The following CLYBL variants were observed in gnomAD, a reference collection of about 807,000 sequenced individuals.
CLYBL encodes citramalyl-CoA lyase, mitochondrial.
In CLYBL, 31 loss-of-function variants were observed where a neutral mutation model predicts 38.9. That is an observed-to-expected ratio of 0.80 (90% CI 0.60 to 1.08). CLYBL has a LOEUF of 1.08. Ranked by LOEUF, CLYBL falls within the 50% of genes least tolerant of loss-of-function variation. CLYBL has a pLI of 0.00. For synonymous variants in CLYBL, 171 were observed against 158.6 expected, an observed-to-expected ratio of 1.08 and a Z score of -0.59; for missense variants, 434 against 411.6, an observed-to-expected ratio of 1.05 and a Z score of -0.47.
chr13:99,804,262 C>A (rs918458757), intron 2 of CLYBL, among the ~76,000 whole-genome samples: 11 of 152,242 alleles, frequency 7.2e-5, no homozygotes, highest in Non-Finnish European at 1.6e-4. Context: ...GGCCACATGG[C>A]CCCCAAGGGC....
At chr13:99,620,035 T>A (rs576689384) in intron 1 of CLYBL, among the ~76,000 whole-genome samples, 2 of 152,304 alleles carry the variant, frequency 1.3e-5, no homozygotes, top group South Asian at 4.1e-4. Context: ...CTTTAGGTCC[T>A]CAGAAGGGGC....
chr13:99,868,358 G>C (rs551530989), intron 6 of CLYBL, among the ~76,000 whole-genome samples: 1 of 152,130 alleles, frequency 6.6e-6, no homozygotes, highest in Non-Finnish European at 1.5e-5. Context: ...TAGTTGTTTG[G>C]CATTTGATTG....
At chr13:99,621,018 A>G (rs1318356497) in intron 1 of CLYBL, among the ~76,000 whole-genome samples, 1 of 152,144 alleles carries the variant, frequency 6.6e-6, no homozygotes, top group Non-Finnish European at 1.5e-5. Context: ...CGTTTGAATC[A>G]TCAGTGTCTA....
chr13:99,709,870 C>G (rs528570453), intron 1 of CLYBL, among the ~76,000 whole-genome samples: 12 of 150,822 alleles, frequency 8.0e-5, no homozygotes, highest in African/African-American at 2.9e-4. Flanking sequence ...AGAGCTTCGC[C>G]ACTGCATTTC....
At chr13:99,908,514 A>C (rs1468742537) in exon 10 of CLYBL, among the ~76,000 whole-genome samples, 1 of 152,218 alleles carries the variant, frequency 6.6e-6, no homozygotes, top group Non-Finnish European at 1.5e-5. Flanking sequence ...CTCTGCACCA[A>C]AAAGCTTTTC....
At chr13:99,829,965 G>A (rs931670543) in intron 2 of CLYBL, among the ~76,000 whole-genome samples, 2 of 152,172 alleles carry the variant, frequency 1.3e-5, no homozygotes, top group African/African-American at 2.4e-5. Context: ...CATGTCAAGC[G>A]TAATTCACAC....
chr13:99,642,747 T>G (rs1314199622), intron 1 of CLYBL, among the ~76,000 whole-genome samples: 1 of 141,842 alleles, frequency 7.1e-6, no homozygotes, highest in Non-Finnish European at 1.5e-5. Context: ...CTTCCCTCCC[T>G]CCCTCCCTTC....
At chr13:99,701,209 A>G (rs2048059810) in intron 1 of CLYBL, among the ~76,000 whole-genome samples, 3 of 152,230 alleles carry the variant, frequency 2.0e-5, no homozygotes, top group Admixed American at 6.5e-5. Flanking sequence ...GATAGCTGCC[A>G]TTTCCCAGAA....
chr13:99,732,399 G>A (rs1421621511), intron 1 of CLYBL, among the ~76,000 whole-genome samples: 1 of 152,018 alleles, frequency 6.6e-6, no homozygotes, highest in Non-Finnish European at 1.5e-5. Context: ...TCAGCATGAT[G>A]CCCAGGCTGG....
At chr13:99,854,932 C>T (rs2051422500) in intron 2 of CLYBL, among the ~76,000 whole-genome samples, 1 of 152,160 alleles carries the variant, frequency 6.6e-6, no homozygotes, top group Non-Finnish European at 1.5e-5. Flanking sequence ...CACTGAGCAG[C>T]ATGGCACGAA....
At chr13:99,772,035 T>C (rs867944828) in intron 1 of CLYBL, among the ~76,000 whole-genome samples, 1 of 152,208 alleles carries the variant, frequency 6.6e-6, no homozygotes, top group Non-Finnish European at 1.5e-5. Context: ...CTTGTTAAAA[T>C]TGGATGTGAA....
chr13:99,731,884 C>CTT (rs145256810), intron 1 of CLYBL, among the ~76,000 whole-genome samples: 2,290 of 152,308 alleles, frequency 0.015, 25 homozygotes, highest in South Asian at 0.029. Flanking sequence ...AGGAACTGGG[C>CTT]TTCAGTTCTG....
chr13:99,688,321 G>A (rs923969517), intron 1 of CLYBL, among the ~76,000 whole-genome samples: 17 of 151,886 alleles, frequency 1.1e-4, no homozygotes, highest in African/African-American at 4.1e-4. Flanking sequence ...AAACAGTGGG[G>A]GAGCGATTAA....
At position 99,865,476 on chromosome 13, in the gene CLYBL, G is replaced by A. The variant is rs2051718356; in HGVS notation, c.634+565G>A. Among the ~76,000 whole-genome samples, 1 of 152,186 alleles carries A rather than the reference G, an allele frequency of 6.6e-6. No individual in the cohort carries two copies. The highest frequency in any genetic ancestry group is 6.5e-5 in the Admixed American group (1 of 15,282). ...CTTGTGAGCTGCACTTGAGGGGTCTGCATGTTTGACTGGAGACCGTGAAGC... is the reference window on the plus strand; with the variant it reads ...CTTGTGAGCTGCACTTGAGGGGTCTACATGTTTGACTGGAGACCGTGAAGC... On this transcript the variant is annotated intron_variant, in intron 5 of 8. Coordinates refer to ENST00000339105, the MANE Select transcript of CLYBL (RefSeq NM_206808.5). The surrounding 1 kb of genome is among the most constrained non-coding windows in gnomAD (Gnocchi z 4.7).
At chr13:99,656,130 CT>C (rs1191593080) in intron 1 of CLYBL, among the ~76,000 whole-genome samples, 1 of 151,904 alleles carries the variant, frequency 6.6e-6, no homozygotes, top group African/African-American at 2.4e-5. Context: ...GGCTTTTTGG[CT>C]TTTTAGTTTA....
chr13:99,862,708 C>T (rs2051636883), intron 3 of CLYBL, among the ~76,000 whole-genome samples: 1 of 152,104 alleles, frequency 6.6e-6, no homozygotes, highest in Non-Finnish European at 1.5e-5. Context: ...TCAGGGAAAG[C>T]GTTTATACTC....
At chr13:99,890,768 G>A (rs72656013) in intron 7 of CLYBL, among the ~76,000 whole-genome samples, 5,051 of 152,066 alleles carry the variant, frequency 0.033, 125 homozygotes, top group Middle Eastern at 0.099. Flanking sequence ...GCGCCTGGCC[G>A]TCCCTGGTCA....
chr13:99,906,422 CTTTTTTGAGTTTTCTT>C (rs776629682), intron 9 of CLYBL, among the ~76,000 whole-genome samples: 284 of 58,768 alleles, frequency 4.8e-3, no homozygotes, highest in Middle Eastern at 8.8e-3. Context: ...ACCCCCAGAG[CTTTTTTGAGTTTTCTT>C]TTTTTTTTCT....
intron 1 of CLYBL, among the ~76,000 whole-genome samples, chr13:99,754,416 C>CCAAA (rs1454742490): frequency 4.2e-5 from 3 of 71,884 alleles, no homozygotes; most frequent in African/African-American, 5.7e-5. Flanking sequence ...GACCCTGTCT[C>CCAAA]AAAAAAAAAA....
Sources: allele counts gnomAD v4.1 joint callset (sites outside exome capture counted in the v4.1 genomes callset), GRCh38; gene constraint gnomAD v4.1.1; non-coding constraint Gnocchi (gnomAD v3.1); transcripts MANE v1.5; gene names NCBI Gene and HGNC (gene_info 2026-07-23, HGNC 2026-07-21).